OSBPL10: variants seen among roughly 807,000 people sequenced by gnomAD.
OSBPL10 encodes the protein oxysterol-binding protein-related protein 10.
Under a neutral mutation model 81.7 loss-of-function variants are expected in OSBPL10, and 49 were observed. The observed-to-expected ratio is 0.60, with a 90% confidence interval of 0.48 to 0.76. The LOEUF is 0.76. Ranked by LOEUF, OSBPL10 falls within the 30% of genes least tolerant of loss-of-function variation. OSBPL10 has a pLI of 0.00. For synonymous variants in OSBPL10, 419 were observed against 383.6 expected (o/e 1.09, Z -1.08); for missense variants, 923 against 987.8 (o/e 0.93, Z 0.88).
chr3:31,984,908 T>C (rs1056966673), upstream of OSBPL10, among the ~76,000 whole-genome samples: 16 of 152,234 alleles, frequency 1.1e-4, no homozygotes, highest in Non-Finnish European at 1.8e-4. Context: ...TTTTTTTTAC[T>C]GTCATAATTT....
rs772045876 is a variant in OSBPL10 at position 31,683,879 on chromosome 3, G to A, written c.1481C>T (p.Pro494Leu). 6.2e-7 allele frequency: 1 copy of A among 1,614,206 alleles called. No homozygotes were observed. Among genetic ancestry groups the A allele is most frequent in the Non-Finnish European group, 8.5e-7 (1 of 1,180,038 alleles). The change falls in exon 8 of 12, where the codon CCC becomes CTC. Residue 494 changes from proline (P) to leucine (L), a missense_variant. Around this residue, in one of 3 missense-constraint regions of OSBPL10, gnomAD observed 387 missense variants for 436.3 expected, o/e 0.89. Coordinates refer to ENST00000396556, the MANE Select transcript of OSBPL10 (RefSeq NM_017784.5). ...GETFHCSWEV[P>L]KDRVKPKRTA... is the part of the protein sequence containing the mutation. ...CCTCTTAGGCTTGACCCTGTCCTTGGGAACTTCCCAGGAGCAGTGAAATGT... is the reference window on the plus strand; with the variant it reads ...CCTCTTAGGCTTGACCCTGTCCTTGAGAACTTCCCAGGAGCAGTGAAATGT...
At chr3:31,762,648 T>TTTTTTTTTTTTTTA (rs1268617055) in intron 4 of OSBPL10, among the ~76,000 whole-genome samples, 1 of 142,292 alleles carries the variant, frequency 7.0e-6, no homozygotes, top group Non-Finnish European at 1.5e-5. Flanking sequence ...TTTTTTTTTT[T>TTTTTTTTTTTTTTA]TGTAGAGATG....
Position 31,664,112 on chromosome 3 carries a change from G to A in OSBPL10, c.2217C>T (p.Arg739=), listed in dbSNP as rs117856456. 757 of 1,614,022 alleles carry A rather than the reference G, an allele frequency of 4.7e-4. 5 individuals are homozygous for A. The East Asian group carries it at 0.015, about 33-fold the overall frequency. Residue 739 remains arginine (R), a synonymous_variant, in exon 11 of 12, where the codon CGC becomes CGT. Coordinates refer to ENST00000396556, the MANE Select transcript of OSBPL10 (RefSeq NM_017784.5). The part of the protein sequence containing the change: ...RVEERKRENL[R]TPWKPKYFIQ... ...TAAAATATTTGGGCTTCCATGGTGT[G>A]CGGAGGTTCTCGCGCTTCCGTTCCT...
intron 1 of OSBPL10, among the ~76,000 whole-genome samples, chr3:31,945,291 G>A (rs746818091): frequency 7.2e-5 from 11 of 152,060 alleles, no homozygotes; most frequent in Non-Finnish European, 1.3e-4. Flanking sequence ...CTAGGACTCT[G>A]GTCCAAAGTT....
At chr3:31,820,988 G>A (rs1196177026) in intron 4 of OSBPL10, among the ~76,000 whole-genome samples, 1 of 152,160 alleles carries the variant, frequency 6.6e-6, no homozygotes, top group African/African-American at 2.4e-5. Flanking sequence ...GATGGAGGAA[G>A]ACAAGGGGTC....
In OSBPL10 at chr3:31,830,204, G is replaced by C; in HGVS notation, c.565C>G (p.Leu189Val). The C allele has an allele frequency of 6.2e-7, 1 of 1,614,048 alleles. No homozygotes were observed. Residue 189 changes from leucine to valine, a missense_variant, in exon 4 of 12, where the codon CTC becomes GTC. Leu to Val is a conservative substitution (Grantham distance 32, BLOSUM62 1). Around this residue, in one of 3 missense-constraint regions of OSBPL10, gnomAD observed 514 missense variants for 508.0 expected, o/e 1.01. Transcript: ENST00000396556. ...GGTGTTCCATGTGGGAGCAAAGTGA[G>C]ACTTCGGCTTCGGGAGCTTGGAGCA... ...KSAPSSRSRS[L>V]TLLPHGTPNS...
chr3:31,895,576 T>G (rs2125667389), intron 1 of OSBPL10, among the ~76,000 whole-genome samples: 1 of 152,304 alleles, frequency 6.6e-6, no homozygotes, highest in African/African-American at 2.4e-5. Context: ...GGAGAATCTG[T>G]GATGGACTCC....
chr3:31,927,766 A>G (rs1468651751), intron 1 of OSBPL10, among the ~76,000 whole-genome samples: 1 of 152,204 alleles, frequency 6.6e-6, no homozygotes, highest in Admixed American at 6.5e-5. Flanking sequence ...GAAATCTAGT[A>G]TAATAACCAG....
intron 6 of OSBPL10, chr3:31,714,004 G>C (rs775937695): frequency 6.6e-6 from 1 of 152,200 alleles, no homozygotes; most frequent in Non-Finnish European, 1.5e-5. Flanking sequence ...TTCCCCTATG[G>C]AAATGAGGAA....
chr3:31,924,047 T>C (rs59871231), intron 1 of OSBPL10, among the ~76,000 whole-genome samples: 24,966 of 151,718 alleles, frequency 0.16, 2,561 homozygotes, highest in African/African-American at 0.26. Flanking sequence ...TGAAACCCTG[T>C]CTTTACTAAA....
In OSBPL10 at chr3:31,838,943, T is replaced by C. The variant is rs572060550; in HGVS notation, c.538-8712A>G. On this transcript the variant is annotated intron_variant, in intron 3 of 11. Coordinates refer to ENST00000396556, the MANE Select transcript of OSBPL10 (RefSeq NM_017784.5). ...AGACTACACCCCGCATAGCATTTAA[T>C]GTGCATTACTCAGGAATCATCTGTC... 2.0e-5 allele frequency among the ~76,000 whole-genome samples: 3 copies of C among 152,344 alleles called. No homozygotes were observed. In the East Asian group the frequency reaches 5.8e-4, roughly 29 times the overall value.
chr3:31,719,682 C>T (rs150948464), intron 6 of OSBPL10, among the ~76,000 whole-genome samples: 57 of 152,236 alleles, frequency 3.7e-4, no homozygotes, highest in African/African-American at 1.2e-3. Context: ...TAAATTCCCA[C>T]ATTTGTTAAC....
chr3:32,034,074 G>A (rs1699497812), intron 2 of OSBPL10, among the ~76,000 whole-genome samples: 1 of 152,130 alleles, frequency 6.6e-6, no homozygotes, highest in African/African-American at 2.4e-5. Context: ...GCAAGCAGGG[G>A]AAATGCCAGA....
chr3:31,941,313 A>C (rs1179533359), intron 1 of OSBPL10, among the ~76,000 whole-genome samples: 1 of 152,230 alleles, frequency 6.6e-6, no homozygotes, highest in Non-Finnish European at 1.5e-5. Context: ...AAAAGCCAAG[A>C]TAAAAGGAAA....
intron 4 of OSBPL10, among the ~76,000 whole-genome samples, chr3:31,827,514 T>C (rs904291146): frequency 6.6e-6 from 1 of 151,930 alleles, no homozygotes; most frequent in African/African-American, 2.4e-5. Flanking sequence ...TGGATGCCTG[T>C]AGTCTCAGCT....
At chr3:31,927,718 T>G (rs1309116021) in intron 1 of OSBPL10, among the ~76,000 whole-genome samples, 1 of 152,234 alleles carries the variant, frequency 6.6e-6, no homozygotes, top group East Asian at 1.9e-4. Flanking sequence ...TATCTACCGC[T>G]GGCCTTCATG....
At position 31,799,849 on chromosome 3, in the gene OSBPL10, C is replaced by T. The variant is rs550474687; in HGVS notation, c.729+30191G>A. On this transcript the variant is annotated intron_variant, in intron 4 of 11. Transcript: ENST00000396556. ...GCCTCAGCCTCCTGAGCTGGGACTA[C>T]AGGCGCCCACCACCATACCCGGCTA... is the stretch of plus-strand genomic sequence containing the variant. Among the ~76,000 whole-genome samples the T allele has an allele frequency of 5.9e-5, 9 of 152,258 alleles. No individual in the cohort carries two copies. The South Asian group carries it at 1.4e-3, about 25-fold the overall frequency.
chr3:31,769,445 C>CAA (rs1213069221), intron 4 of OSBPL10, among the ~76,000 whole-genome samples: 470 of 10,792 alleles, frequency 0.044, 116 homozygotes, highest in Non-Finnish European at 0.093. Flanking sequence ...AACTCCATCT[C>CAA]AAAAAAAAAA....
chr3:32,024,185 G>A (rs1427809253), intron 2 of OSBPL10, among the ~76,000 whole-genome samples: 2 of 152,134 alleles, frequency 1.3e-5, no homozygotes, highest in Non-Finnish European at 2.9e-5. Flanking sequence ...TTTGGGCTCT[G>A]CAAGGTCCTT....
Sources: gnomAD v4.1 joint callset for allele counts (sites outside exome capture counted in the v4.1 genomes callset) on GRCh38, gnomAD v4.1.1 for gene constraint, gnomAD v4.1.1 regional missense constraint, MANE v1.5 for transcripts, NCBI Gene and HGNC (gene_info 2026-07-23, HGNC 2026-07-21) for gene names.